The following SLC24A2 variants were observed in gnomAD, a reference collection of about 807,000 sequenced individuals.
The protein encoded by SLC24A2 is sodium/potassium/calcium exchanger 2.
Under a neutral mutation model 62.0 loss-of-function variants are expected in SLC24A2, and 36 were observed. The observed-to-expected ratio is 0.58, with a 90% confidence interval of 0.44 to 0.77. The LOEUF (loss-of-function observed/expected upper bound fraction) is 0.77, where lower values mean the gene tolerates loss of function less well. SLC24A2 is among the 30% of genes least tolerant of loss of function. The pLI is 0.00. For missense variants in SLC24A2, 846 were observed against 817.9 expected (o/e 1.03, Z -0.42); for synonymous variants, 358 against 294.0 (o/e 1.22, Z -2.23).
At chr9:19,967,120 T>C in the SLC24A2 span, 8 of 152,296 alleles carry the variant, frequency 5.3e-5, no homozygotes, top group African/African-American at 1.9e-4. Context: ...CAAGGCAGAA[T>C]GGAATGAGAA....
intron 2 of SLC24A2, among the ~76,000 whole-genome samples, chr9:19,692,008 G>A (rs1257178271): frequency 6.6e-6 from 1 of 152,090 alleles, no homozygotes; most frequent in Non-Finnish European, 1.5e-5. Flanking sequence ...GTCAAATGTG[G>A]AGCTTTTAAC....
chr9:19,891,733 G>A, the SLC24A2 span, among the ~76,000 whole-genome samples: 4 of 152,036 alleles, frequency 2.6e-5, 1 homozygote, highest in East Asian at 1.9e-4. Context: ...GTGACAGAGC[G>A]AGATCCTGTC....
At chr9:20,235,435 T>A in the SLC24A2 span, among the ~76,000 whole-genome samples, 13 of 152,114 alleles carry the variant, frequency 8.5e-5, no homozygotes, top group Admixed American at 2.6e-4. Context: ...CAATGGCAGG[T>A]GCCCCTCCCC....
chr9:20,213,284 A>G, the SLC24A2 span, among the ~76,000 whole-genome samples: 9 of 151,936 alleles, frequency 5.9e-5, no homozygotes, highest in African/African-American at 2.2e-4. Flanking sequence ...TTTATACATT[A>G]TTTAGAAAGC....
rs899282624 is a variant in SLC24A2, at chr9:19,546,649, G to A, written c.1479+3488C>T. ...CGTGGGGGTTGGACCCACCAAGCCA[G>A]ACCACTTGGCTCCCTGCCTTCGGCC... On this transcript the variant is annotated intron_variant, in intron 8 of 10. Coordinates refer to ENST00000341998, the MANE Select transcript of SLC24A2 (RefSeq NM_020344.4). Among the ~76,000 whole-genome samples, 9 of 152,084 alleles carry A rather than the reference G, an allele frequency of 5.9e-5. No individual in the cohort carries two copies. In the East Asian group the frequency reaches 1.3e-3, roughly 23 times the overall value.
chr9:20,070,925 G>T, the SLC24A2 span, among the ~76,000 whole-genome samples: 1 of 152,190 alleles, frequency 6.6e-6, no homozygotes, highest in African/African-American at 2.4e-5. Context: ...GTTGGAGGTG[G>T]GGCCCGGTGG....
chr9:19,968,561 T>C, the SLC24A2 span, among the ~76,000 whole-genome samples: 215 of 152,316 alleles, frequency 1.4e-3, no homozygotes, highest in Non-Finnish European at 3.4e-4. Context: ...AGGTGTTATA[T>C]TGACCTCAAG....
chr9:20,236,788 G>A, the SLC24A2 span, among the ~76,000 whole-genome samples: 1 of 152,114 alleles, frequency 6.6e-6, no homozygotes, highest in African/African-American at 2.4e-5. Flanking sequence ...GGGTGGAACT[G>A]TTTGCATAGT....
At chr9:20,258,803 T>C in the SLC24A2 span, among the ~76,000 whole-genome samples, 4 of 127,682 alleles carry the variant, frequency 3.1e-5, no homozygotes, top group Non-Finnish European at 6.1e-5. Context: ...TATCTATCTA[T>C]CTATCTATCT....
chr9:19,612,889 G>C (rs534402278), intron 4 of SLC24A2, among the ~76,000 whole-genome samples: 1 of 152,246 alleles, frequency 6.6e-6, no homozygotes, highest in Admixed American at 6.5e-5. Context: ...TTTTCATCTT[G>C]AATCATGTAT....
the SLC24A2 span, among the ~76,000 whole-genome samples, chr9:19,820,241 C>T: frequency 3.3e-4 from 49 of 147,862 alleles, 1 homozygote; most frequent in South Asian, 4.1e-3. Context: ...GCTGTGAGGA[C>T]GCAAAGGCAT....
At chr9:19,776,353 C>T (rs947562712) in intron 2 of SLC24A2, among the ~76,000 whole-genome samples, 5 of 152,174 alleles carry the variant, frequency 3.3e-5, no homozygotes, top group Non-Finnish European at 7.4e-5. Context: ...ATTTATGTTT[C>T]CCAATCCTCA....
the SLC24A2 span, among the ~76,000 whole-genome samples, chr9:20,239,494 T>A: frequency 7.1e-6 from 1 of 140,548 alleles, no homozygotes; most frequent in African/African-American, 2.9e-5. Context: ...GGGCCTTGGA[T>A]AGGCACAGCC....
intron 1 of SLC24A2, among the ~76,000 whole-genome samples, chr9:19,788,336 C>T (rs1823241047): frequency 6.6e-6 from 1 of 152,216 alleles, no homozygotes; most frequent in African/African-American, 2.4e-5. Context: ...CCAGCAGGGA[C>T]AGATTCAACT....
At chr9:19,749,767 C>G (rs372860428) in intron 2 of SLC24A2, among the ~76,000 whole-genome samples, 18 of 152,202 alleles carry the variant, frequency 1.2e-4, no homozygotes, top group Non-Finnish European at 2.4e-4. Context: ...CATATTTTAT[C>G]TGGCAACTCG....
intron 3 of SLC24A2, among the ~76,000 whole-genome samples, chr9:19,621,436 C>T (rs569664749): frequency 3.3e-5 from 5 of 152,276 alleles, no homozygotes; most frequent in Admixed American, 2.6e-4. Flanking sequence ...TCATATGTAT[C>T]TTTATTACTA....
chr9:19,727,416 T>C (rs1821203187), intron 2 of SLC24A2, among the ~76,000 whole-genome samples: 1 of 152,160 alleles, frequency 6.6e-6, no homozygotes, highest in South Asian at 2.1e-4. Flanking sequence ...CTTCCCTAAC[T>C]CATTTTTCCC....
the SLC24A2 span, among the ~76,000 whole-genome samples, chr9:20,249,378 C>A: frequency 2.6e-5 from 4 of 152,094 alleles, no homozygotes; most frequent in African/African-American, 9.7e-5. Flanking sequence ...GACAATAATA[C>A]TTAACTGTGG....
chr9:20,075,677 C>A, the SLC24A2 span, among the ~76,000 whole-genome samples: 13 of 123,360 alleles, frequency 1.1e-4, no homozygotes, highest in Non-Finnish European at 1.8e-4. Context: ...TAGCATTCTC[C>A]CATGGCTTGC....
Sources: gnomAD v4.1 joint callset for allele counts (sites outside exome capture counted in the v4.1 genomes callset) on GRCh38, gnomAD v4.1.1 for gene constraint, MANE v1.5 for transcripts, NCBI Gene and HGNC (gene_info 2026-07-23, HGNC 2026-07-21) for gene names.